The following SLC4A4 variants were observed in gnomAD, a reference collection of about 807,000 sequenced individuals.
SLC4A4 encodes the protein electrogenic sodium bicarbonate cotransporter 1.
SLC4A4 carries 27 observed loss-of-function variants against 111.5 expected under a neutral mutation model. The ratio of observed to expected loss-of-function variants is 0.24; its 90% confidence interval spans 0.18 to 0.33. The LOEUF (loss-of-function observed/expected upper bound fraction) is 0.33. SLC4A4 is among the 10% of genes least tolerant of loss of function. SLC4A4 has a pLI of 1.00. For synonymous variants in SLC4A4, 443 were observed against 463.4 expected (o/e 0.96, Z 0.57); for missense variants, 909 against 1,315.5 (o/e 0.69, Z 4.78).
chr4:71,281,660 CA>C (rs1391407455), intron 3 of SLC4A4, among the ~76,000 whole-genome samples: 1 of 152,130 alleles, frequency 6.6e-6, no homozygotes, highest in Non-Finnish European at 1.5e-5. Flanking sequence ...TTTAATATTG[CA>C]TTTAAGTGTA....
rs930603097 is a variant in SLC4A4, at chr4:71,067,760, T to C, written c.-65+4972T>C. Among the ~76,000 whole-genome samples, 25 of 152,096 alleles carry C rather than the reference T, an allele frequency of 1.6e-4. 1 individual carries two copies. Among genetic ancestry groups the C allele is most frequent in the Admixed American group, 1.6e-3 (24 of 15,272 alleles). ...AAGTCTGTGCCTCTTAAACTTTTTT[T>C]TTTTTGAGTTGGGGGTCTCACTTTG... On this transcript the variant is annotated intron_variant, in intron 1 of 26. Transcript: ENST00000649996.
At chr4:71,253,167 G>A (rs1292475901) in intron 2 of SLC4A4, among the ~76,000 whole-genome samples, 3 of 152,126 alleles carry the variant, frequency 2.0e-5, no homozygotes, top group Non-Finnish European at 2.9e-5. Context: ...ACAACTCAAA[G>A]TAGGTTCCAA....
At chr4:71,185,773 C>T (rs1427220578), upstream of SLC4A4, among the ~76,000 whole-genome samples, 1 of 151,728 alleles carries the variant, frequency 6.6e-6, no homozygotes, top group African/African-American at 2.4e-5. Context: ...TCCCTACCCT[C>T]ATTTTTTTTT....
intron 3 of SLC4A4, among the ~76,000 whole-genome samples, chr4:71,304,463 C>T (rs1725528986): frequency 1.3e-5 from 2 of 152,142 alleles, no homozygotes; most frequent in Non-Finnish European, 2.9e-5. Flanking sequence ...TGATTTTGTC[C>T]CTCACCAAAT....
At chr4:71,384,772 A>C (rs1307153491) in intron 6 of SLC4A4, among the ~76,000 whole-genome samples, 1 of 151,448 alleles carries the variant, frequency 6.6e-6, no homozygotes, top group Non-Finnish European at 1.5e-5. Flanking sequence ...TCTATTTTTT[A>C]TAATTTGCTA....
intron 2 of SLC4A4, among the ~76,000 whole-genome samples, chr4:71,097,814 T>C (rs1182770570): frequency 1.3e-5 from 2 of 152,326 alleles, no homozygotes; most frequent in East Asian, 3.9e-4. Context: ...GTTGGCGACA[T>C]GCATGTCTTC....
chr4:71,424,375 A>G (rs1398603428), intron 7 of SLC4A4, among the ~76,000 whole-genome samples: 1 of 151,570 alleles, frequency 6.6e-6, no homozygotes, highest in Non-Finnish European at 1.5e-5. Context: ...AAATAGGAAC[A>G]CTTTTACACT....
At chr4:71,181,346 C>A (rs937729373) in intron 2 of SLC4A4, among the ~76,000 whole-genome samples, 11 of 151,950 alleles carry the variant, frequency 7.2e-5, no homozygotes, top group Non-Finnish European at 1.5e-4. Context: ...GCACATGTAC[C>A]CTAAAACTTA....
At chr4:71,355,558 G>T (rs1196798524) in intron 5 of SLC4A4, among the ~76,000 whole-genome samples, 1 of 152,176 alleles carries the variant, frequency 6.6e-6, no homozygotes, top group African/African-American at 2.4e-5. Context: ...TCCCTACCAA[G>T]TGGTCCCATG....
Position 71,138,873 on chromosome 4 carries a change from G to A in SLC4A4, c.-2+46081G>A, listed in dbSNP as rs368341195. ...AACACGGTGAAACCCTGTCTCTACTGAAAATATAAAAAATTAGCCAGGCGT... is the reference window on the plus strand; with the variant it reads ...AACACGGTGAAACCCTGTCTCTACTAAAAATATAAAAAATTAGCCAGGCGT... On this transcript the variant is annotated intron_variant, in intron 2 of 26. Transcript: ENST00000649996. Among the ~76,000 whole-genome samples the A allele has an allele frequency of 1.5e-3, 231 of 151,750 alleles. 2 individuals are homozygous for A. The highest frequency in any genetic ancestry group is 4.7e-3 in the African/African-American group (194 of 41,404).
At chr4:71,087,422 T>A (rs903304588) in intron 1 of SLC4A4, among the ~76,000 whole-genome samples, 20 of 152,096 alleles carry the variant, frequency 1.3e-4, no homozygotes, top group Non-Finnish European at 2.8e-4. Flanking sequence ...TGCTCTGATC[T>A]TAGTTATTTC....
intron 3 of SLC4A4, among the ~76,000 whole-genome samples, chr4:71,335,825 A>G (rs1190231968): frequency 7.8e-6 from 1 of 128,512 alleles, no homozygotes; most frequent in Non-Finnish European, 1.7e-5. Context: ...ACTCTGTCTC[A>G]AAAAAAAAAA....
At chr4:71,255,639 G>A (rs905544169) in intron 3 of SLC4A4, among the ~76,000 whole-genome samples, 2 of 152,130 alleles carry the variant, frequency 1.3e-5, no homozygotes, top group African/African-American at 4.8e-5. Flanking sequence ...AGGCATAGCT[G>A]TGTATTCTAC....
intron 5 of SLC4A4, 68 bp downstream of exon 5, chr4:71,350,140 C>A: frequency 6.8e-7 from 1 of 1,460,588 alleles, no homozygotes; most frequent in Non-Finnish European, 9.6e-7. Context: ...TCCATCAAGG[C>A]AGATGACTAG....
chr4:71,345,689 G>A (rs1729266793), intron 4 of SLC4A4, among the ~76,000 whole-genome samples: 1 of 151,830 alleles, frequency 6.6e-6, no homozygotes, highest in Admixed American at 6.6e-5. Flanking sequence ...TATACTGTGG[G>A]TTTGGGCAAA....
intron 24 of SLC4A4, 103 bp downstream of exon 24, chr4:71,563,992 T>G (rs1002386225): frequency 1.3e-6 from 1 of 792,878 alleles, no homozygotes; most frequent in African/African-American, 1.7e-5. Flanking sequence ...TCAATTTTGT[T>G]TTTCCTTTTT....
At chr4:71,263,659 A>G (rs1231373795) in intron 3 of SLC4A4, among the ~76,000 whole-genome samples, 1 of 152,214 alleles carries the variant, frequency 6.6e-6, no homozygotes, top group Non-Finnish European at 1.5e-5. Flanking sequence ...AGTGAGTTGA[A>G]TCATGGTGCA....
intron 19 of SLC4A4, 59 bp from the exon 20 acceptor site, chr4:71,547,589 G>C (rs1247530291): frequency 1.4e-6 from 2 of 1,387,720 alleles, no homozygotes; most frequent in East Asian, 2.3e-5. Flanking sequence ...AAGGTGAAAA[G>C]ACAAGAGCAT....
chr4:71,388,029 G>T, intron 6 of SLC4A4, among the ~76,000 whole-genome samples: 1 of 152,138 alleles, frequency 6.6e-6, no homozygotes, highest in Middle Eastern at 3.2e-3. Context: ...CTGGGTCAGT[G>T]CCTGTTTGGA....
Sources: gnomAD v4.1 joint callset for allele counts (sites outside exome capture counted in the v4.1 genomes callset) on GRCh38, gnomAD v4.1.1 for gene constraint, MANE v1.5 for transcripts, NCBI Gene and HGNC (gene_info 2026-07-23, HGNC 2026-07-21) for gene names.